The following USP22 variants were observed in gnomAD, a reference collection of about 807,000 sequenced individuals.
USP22 encodes ubiquitin carboxyl-terminal hydrolase 22.
USP22 carries 22 observed loss-of-function variants against 68.1 expected under a neutral mutation model. The ratio of observed to expected loss-of-function variants is 0.32; its 90% CI spans 0.23 to 0.46. USP22 has a LOEUF of 0.46. Ranked by LOEUF, USP22 falls within the 20% of genes least tolerant of loss-of-function variation. USP22 has a pLI of 1.00. For missense variants in USP22, 433 were observed against 695.8 expected (o/e 0.62, Z 4.25); for synonymous variants, 279 against 274.2 (o/e 1.02, Z -0.17).
Position 21,012,938 on chromosome 17 carries a change from G to A in USP22, c.839-3C>T. 6.2e-7 allele frequency: 1 copy of A among 1,613,592 alleles called. No homozygotes were observed. Among genetic ancestry groups the A allele is most frequent in the Non-Finnish European group, 8.5e-7 (1 of 1,179,688 alleles). ...GGCCTTCTTCCCATTGTCATCACCTGGAGACAGACCACGGCTCTGGGATTA... is the reference window on the plus strand; with the variant it reads ...GGCCTTCTTCCCATTGTCATCACCTAGAGACAGACCACGGCTCTGGGATTA... On this transcript the variant is annotated splice_region_variant and splice_polypyrimidine_tract_variant and intron_variant, in intron 6 of 12. Transcript: ENST00000261497.
At position 21,003,084 on chromosome 17, in the gene USP22, A is replaced by C; in HGVS notation, c.1536-11T>G. ...TAGAACAGCAAGTACCTGTGGAGGCAGAGAGAGGGAGGAGGCTCACCTCTA... is the reference window on the plus strand; with the variant it reads ...TAGAACAGCAAGTACCTGTGGAGGCCGAGAGAGGGAGGAGGCTCACCTCTA... On this transcript the variant is annotated splice_polypyrimidine_tract_variant and intron_variant, in intron 12 of 12. Coordinates refer to ENST00000261497, the MANE Select transcript of USP22 (RefSeq NM_015276.2). 1 of 1,613,860 alleles carries C rather than the reference A, an allele frequency of 6.2e-7. No individual in the cohort carries two copies. The highest frequency in any genetic ancestry group is 8.5e-7 in the Non-Finnish European group (1 of 1,179,872).
intron 3 of USP22, among the ~76,000 whole-genome samples, chr17:21,020,892 C>T (rs1395322667): frequency 6.6e-6 from 1 of 152,188 alleles, no homozygotes; most frequent in Non-Finnish European, 1.5e-5. Flanking sequence ...GAAGTGGTCC[C>T]AAGCACACGG....
At chr17:21,033,036 G>A (rs1972311808) in intron 1 of USP22, among the ~76,000 whole-genome samples, 1 of 151,690 alleles carries the variant, frequency 6.6e-6, no homozygotes, top group African/African-American at 2.4e-5. Context: ...TGCGGTTGGT[G>A]AGTAAGCTAA....
At chr17:21,011,448 A>C in intron 7 of USP22, 139 bp from the exon 8 acceptor site, 1 of 1,129,842 alleles carries the variant, frequency 8.9e-7, no homozygotes, top group East Asian at 2.6e-5. Flanking sequence ...ATGGGGCAGG[A>C]GCAAGAGCAG....
chr17:21,019,834 T>A (rs11654801), intron 3 of USP22, among the ~76,000 whole-genome samples: 28,006 of 152,234 alleles, frequency 0.18, 2,938 homozygotes, highest in South Asian at 0.25. Flanking sequence ...CTAGAAGAAT[T>A]CCATTTTAAT....
intron 3 of USP22, among the ~76,000 whole-genome samples, chr17:21,020,862 C>T (rs1257379577): frequency 6.6e-6 from 1 of 152,088 alleles, no homozygotes; most frequent in Admixed American, 6.5e-5. Flanking sequence ...CCATGGGGGA[C>T]CTGCAAGGGA....
chr17:21,029,832 G>A (rs1050435049), intron 1 of USP22, among the ~76,000 whole-genome samples: 2 of 152,172 alleles, frequency 1.3e-5, no homozygotes, highest in African/African-American at 4.8e-5. Flanking sequence ...AAATACTCAG[G>A]ATAGATAAAT....
intron 1 of USP22, among the ~76,000 whole-genome samples, chr17:21,038,916 C>CGTGCCGCCCCCT: frequency 6.6e-6 from 1 of 152,182 alleles, no homozygotes; most frequent in African/African-American, 2.4e-5. Flanking sequence ...ACAAAGGAGA[C>CGTGCCGCCCCCT]GCCACTGTGG....
At chr17:21,004,612 G>A (rs1371575839) in intron 11 of USP22, among the ~76,000 whole-genome samples, 4 of 152,166 alleles carry the variant, frequency 2.6e-5, no homozygotes, top group Non-Finnish European at 5.9e-5. Flanking sequence ...GGGGATCCTG[G>A]AACACCCCAG....
chr17:21,009,140 T>C (rs960947105), intron 8 of USP22, among the ~76,000 whole-genome samples: 3 of 144,516 alleles, frequency 2.1e-5, no homozygotes, highest in Non-Finnish European at 4.5e-5. Context: ...GGAAAGGTAA[T>C]TTCCTGACCG....
In USP22 at chr17:21,004,371, G is replaced by A; in HGVS notation, c.1386-20C>T. 1 of 1,612,262 alleles carries A rather than the reference G, an allele frequency of 6.2e-7. No individual in the cohort carries two copies. The highest frequency in any genetic ancestry group is 2.2e-5 in the East Asian group (1 of 44,834). Reference sequence around the variant, plus strand: ...GAATACCTAGTGCAGGAGCAAAGGAGAGGGAGGGCGCAGGTGACTTGATGC... The same window carrying A: ...GAATACCTAGTGCAGGAGCAAAGGAAAGGGAGGGCGCAGGTGACTTGATGC... On this transcript the variant is annotated intron_variant, in intron 11 of 12. Coordinates refer to ENST00000261497, the MANE Select transcript of USP22 (RefSeq NM_015276.2).
In USP22 at chr17:21,042,740, G is replaced by A. The variant is rs1972456955; in HGVS notation, c.96C>T (p.Asp32=). 7 of 1,489,760 alleles carry A rather than the reference G, an allele frequency of 4.7e-6. No homozygotes were observed. Among genetic ancestry groups the A allele is most frequent in the African/African-American group, 1.4e-5 (1 of 69,870 alleles). 92.3% of individuals were successfully genotyped at this position (1,489,760 alleles called of 1,614,324 possible). ...TGGCCCGCAGGTTCTGCTTCCAGTT[G>A]TCCACCTTGAAGCTGCCCAGGTGCG... is the stretch of plus-strand genomic sequence containing the variant. The part of the protein sequence containing the change: ...GCSHLGSFKV[D]NWKQNLRAIY... Residue 32 remains aspartate, a synonymous_variant, in exon 1 of 13, where the codon GAC becomes GAT. Transcript: ENST00000261497.
chr17:21,042,412 A>T (rs537812478), intron 1 of USP22: 158 of 199,524 alleles, frequency 7.9e-4, no homozygotes, highest in Admixed American at 1.8e-3. Context: ...GGGGGAGGGA[A>T]AGGAAGAATG....
At chr17:21,008,247 C>T (rs1042131888) in intron 8 of USP22, among the ~76,000 whole-genome samples, 12 of 152,004 alleles carry the variant, frequency 7.9e-5, no homozygotes, top group Non-Finnish European at 1.8e-4. Context: ...TTCTAAGTAC[C>T]ATATGACCCA....
chr17:21,020,244 C>CAAAAAAAAAAAAAAAAA (rs3047597), intron 3 of USP22, among the ~76,000 whole-genome samples: 20 of 73,282 alleles, frequency 2.7e-4, no homozygotes, highest in Non-Finnish European at 3.5e-4. Context: ...AATCAAAAAC[C>CAAAAAAAAAAAAAAAAA]AAAAAAAAAA....
chr17:21,041,466 C>G (rs550650617), intron 1 of USP22, among the ~76,000 whole-genome samples: 2 of 152,140 alleles, frequency 1.3e-5, no homozygotes, highest in Non-Finnish European at 2.9e-5. Flanking sequence ...GGCGTGGTAG[C>G]AGGAGCCTGT....
intron 9 of USP22, among the ~76,000 whole-genome samples, chr17:21,007,643 C>G (rs1465461556): frequency 3.3e-5 from 5 of 152,112 alleles, no homozygotes; most frequent in Admixed American, 3.3e-4. Flanking sequence ...CAAGAAAACT[C>G]ACATTCTACT....
chr17:21,013,825 A>T lies in USP22; in HGVS notation c.839-890T>A, dbSNP rs556838383. On this transcript the variant is annotated intron_variant, in intron 6 of 12. Coordinates refer to ENST00000261497, the MANE Select transcript of USP22 (RefSeq NM_015276.2). ...CGCGGTGGCTCACGCCTGTAATCCC[A>T]GCACTTTGGGAGGCCAAGGCGGGCG... 7.2e-5 allele frequency among the ~76,000 whole-genome samples: 11 copies of T among 152,386 alleles called. No individual in the cohort carries two copies. In the East Asian group the frequency reaches 2.1e-3, roughly 29 times the overall value.
At position 21,011,256 on chromosome 17, in the gene USP22, C is replaced by T; in HGVS notation, c.998G>A (p.Gly333Asp). Reference protein sequence around the residue: ...PFWDISLDLPGSSTPFWPLSP... With the variant: ...PFWDISLDLPDSSTPFWPLSP... ...CAGGGGCCAGAATGGGGTGGAAGAG[C>T]CGGGGAGATCCAAGCTGATGTCCCA... is the stretch of plus-strand genomic sequence containing the variant. The change falls in exon 8 of 13, where the codon GGC becomes GAC. Residue 333 changes from glycine to aspartate, a missense_variant. Gly to Asp is a moderately conservative substitution (Grantham distance 94). Coordinates refer to ENST00000261497, the MANE Select transcript of USP22 (RefSeq NM_015276.2). 6.3e-7 allele frequency: 1 copy of T among 1,591,706 alleles called. No individual in the cohort carries two copies. Among genetic ancestry groups the T allele is most frequent in the Non-Finnish European group, 8.6e-7 (1 of 1,168,758 alleles).
Sources: allele counts gnomAD v4.1 joint callset (sites outside exome capture counted in the v4.1 genomes callset), GRCh38; gene constraint gnomAD v4.1.1; transcripts MANE v1.5; gene names NCBI Gene and HGNC (gene_info 2026-07-23, HGNC 2026-07-21).